The following ARHGAP15 variants were observed in gnomAD, a reference collection of about 807,000 sequenced individuals.
ARHGAP15 encodes the protein rho GTPase-activating protein 15.
In ARHGAP15, 51 loss-of-function variants were observed where a neutral mutation model predicts 63.7. That is an observed-to-expected ratio of 0.80 (90% CI 0.64 to 1.01). The LOEUF (loss-of-function observed/expected upper bound fraction) is 1.01. Among genes scored for constraint, ARHGAP15 ranks in the 50% least tolerant of loss-of-function variants. ARHGAP15 has a pLI of 0.00. For synonymous variants in ARHGAP15, 191 were observed against 193.8 expected (o/e 0.99, Z 0.12); for missense variants, 560 against 564.6 (o/e 0.99, Z 0.08).
intron 4 of ARHGAP15, among the ~76,000 whole-genome samples, chr2:143,217,665 G>A (rs544929958): frequency 3.9e-5 from 6 of 152,242 alleles, no homozygotes; most frequent in Admixed American, 2.6e-4. Context: ...AGCCCAGCCC[G>A]AGTGCTCTCC....
intron 13 of ARHGAP15, among the ~76,000 whole-genome samples, chr2:143,729,979 C>T (rs1685453921): frequency 6.6e-6 from 1 of 151,852 alleles, no homozygotes; most frequent in Non-Finnish European, 1.5e-5. Context: ...ACAGAGGAGT[C>T]CTAAAGGTAT....
intron 6 of ARHGAP15, among the ~76,000 whole-genome samples, chr2:143,365,012 AAAAT>A (rs34729404): frequency 2.4e-4 from 36 of 151,582 alleles, no homozygotes; most frequent in Non-Finnish European, 2.9e-4. Context: ...TGTGGGAAAT[AAAAT>A]AAATAAATAA....
chr2:143,238,553 G>A (rs528733928), intron 5 of ARHGAP15, among the ~76,000 whole-genome samples: 1 of 152,258 alleles, frequency 6.6e-6, no homozygotes, highest in South Asian at 2.1e-4. Context: ...ACAGGTGCTG[G>A]TGAGGTTGCA....
chr2:143,605,001 C>T (rs533192513), intron 11 of ARHGAP15, among the ~76,000 whole-genome samples: 4 of 152,208 alleles, frequency 2.6e-5, no homozygotes, highest in African/African-American at 9.6e-5. Flanking sequence ...CTCCACCTCC[C>T]AGGTTCAAGT....
At chr2:143,237,391 A>G (rs1012017244) in intron 5 of ARHGAP15, 1 of 152,188 alleles carries the variant, frequency 6.6e-6, no homozygotes, top group African/African-American at 2.4e-5. Context: ...TTTCACTGAC[A>G]AAATATTTTG....
chr2:143,466,840 A>T (rs1238297928), intron 8 of ARHGAP15, among the ~76,000 whole-genome samples: 2 of 152,118 alleles, frequency 1.3e-5, no homozygotes, highest in Non-Finnish European at 2.9e-5. Flanking sequence ...TAGATGAAAC[A>T]ACACCCATTA....
chr2:143,475,392 C>CA (rs1294970416), intron 8 of ARHGAP15, among the ~76,000 whole-genome samples: 1 of 152,234 alleles, frequency 6.6e-6, no homozygotes, highest in Non-Finnish European at 1.5e-5. Flanking sequence ...GGGAGGGCAT[C>CA]AGTGCTTCGC....
At chr2:143,705,877 T>C (rs1684305191) in intron 13 of ARHGAP15, among the ~76,000 whole-genome samples, 1 of 152,206 alleles carries the variant, frequency 6.6e-6, no homozygotes, top group Non-Finnish European at 1.5e-5. Flanking sequence ...CCAGGCCACA[T>C]AATCCCAGTT....
chr2:143,638,664 ATAAAT>A (rs1410566981), intron 12 of ARHGAP15, among the ~76,000 whole-genome samples: 2 of 139,256 alleles, frequency 1.4e-5, no homozygotes, highest in African/African-American at 5.6e-5. Context: ...TAAAAAATAA[ATAAAT>A]AAAAGAAAAA....
At chr2:143,276,852 A>G (rs930513981) in intron 6 of ARHGAP15, among the ~76,000 whole-genome samples, 2 of 152,190 alleles carry the variant, frequency 1.3e-5, no homozygotes, top group African/African-American at 4.8e-5. Context: ...TTGCATGGTG[A>G]TGCTTAATAG....
intron 2 of ARHGAP15, among the ~76,000 whole-genome samples, chr2:143,185,877 G>A (rs10496942): frequency 0.17 from 25,519 of 151,992 alleles, 2,319 homozygotes; most frequent in Middle Eastern, 0.25. Context: ...CTCCATCTTA[G>A]TCCTTTTCTT....
intron 13 of ARHGAP15, among the ~76,000 whole-genome samples, chr2:143,748,541 T>C (rs1462457273): frequency 6.6e-6 from 1 of 152,200 alleles, no homozygotes; most frequent in Non-Finnish European, 1.5e-5. Context: ...GAAAAAATAA[T>C]CACAATATCT....
chr2:143,647,481 G>T (rs1440718029), intron 12 of ARHGAP15, among the ~76,000 whole-genome samples: 1 of 151,908 alleles, frequency 6.6e-6, no homozygotes, highest in Non-Finnish European at 1.5e-5. Context: ...AGCAGGAGTT[G>T]TTAGGTGCTT....
At chr2:143,236,719 G>A (rs917056038) in intron 5 of ARHGAP15, 1 of 152,162 alleles carries the variant, frequency 6.6e-6, no homozygotes, top group African/African-American at 2.4e-5. Context: ...GGGGGCAAAA[G>A]ATATTTTATG....
chr2:143,365,709 G>A (rs1023662808), intron 6 of ARHGAP15, among the ~76,000 whole-genome samples: 1 of 152,092 alleles, frequency 6.6e-6, no homozygotes, highest in Non-Finnish European at 1.5e-5. Context: ...CCTTAGACAA[G>A]TTTTTTAACA....
intron 11 of ARHGAP15, among the ~76,000 whole-genome samples, chr2:143,597,112 A>G (rs991223929): frequency 6.6e-6 from 1 of 151,568 alleles, no homozygotes; most frequent in Non-Finnish European, 1.5e-5. Flanking sequence ...CAAGCTTCCC[A>G]TGGTAATACA....
chr2:143,239,828 T>G (rs1379603625), intron 5 of ARHGAP15, among the ~76,000 whole-genome samples: 2 of 151,506 alleles, frequency 1.3e-5, no homozygotes, highest in African/African-American at 4.8e-5. Context: ...CCATCTCTAC[T>G]AAAAATACAA....
intron 11 of ARHGAP15, among the ~76,000 whole-genome samples, chr2:143,565,307 T>C (rs1162818016): frequency 6.6e-6 from 1 of 152,088 alleles, no homozygotes; most frequent in Non-Finnish European, 1.5e-5. Flanking sequence ...TGGGACCCTC[T>C]ATAAGAAAAA....
chr2:143,154,861 T>A (rs1047678125), intron 1 of ARHGAP15, among the ~76,000 whole-genome samples: 2 of 151,982 alleles, frequency 1.3e-5, no homozygotes, highest in African/African-American at 4.8e-5. Context: ...TGGTGCTGAT[T>A]TTTTTCTTCA....
Sources: allele counts gnomAD v4.1 joint callset (sites outside exome capture counted in the v4.1 genomes callset), GRCh38; gene constraint gnomAD v4.1.1; transcripts MANE v1.5; gene names NCBI Gene and HGNC (gene_info 2026-07-23, HGNC 2026-07-21).